Variants in SACS observed in about 807,000 individuals in gnomAD.
The protein encoded by SACS is sacsin.
In SACS, 197 loss-of-function variants were observed where a neutral mutation model predicts 348.0. That is an observed-to-expected ratio of 0.57 (90% CI 0.50 to 0.64). SACS has a LOEUF of 0.64. Ranked by LOEUF, SACS falls within the 30% of genes least tolerant of loss-of-function variation. The pLI is 0.00. For synonymous variants in SACS, 1,985 were observed against 1,910.6 expected (o/e 1.04, Z -1.02); for missense variants, 4,999 against 5,360.8 (o/e 0.93, Z 2.11).
chr13:23,336,435 C>G lies in SACS; in HGVS notation c.7441G>C (p.Val2481Leu). The change falls in exon 10 of 10, where the codon GTA (valine) becomes CTA (leucine). Residue 2481 changes from valine to leucine, a missense_variant. By Grantham distance (32) the Val-to-Leu change is conservative. Around this residue, in one of 6 missense-constraint regions of SACS, gnomAD observed 3,156 missense variants for 3,380.1 expected, o/e 0.93. Coordinates refer to ENST00000382292, the MANE Select transcript of SACS (RefSeq NM_014363.6). ...GGTATGTCAGCATGACAATATTTTA[C>G]AGTGGTATCCTTTACTTTTATCCAA... ...CPWIKVKDTT[V>L]KYCHADIPRE... 1 of 1,614,056 alleles carries G rather than the reference C, an allele frequency of 6.2e-7. No homozygotes were observed. Among genetic ancestry groups the G allele is most frequent in the Non-Finnish European group, 8.5e-7 (1 of 1,179,946 alleles).
In SACS at chr13:23,341,583, A is replaced by AC. The variant is rs761092610; in HGVS notation, c.2292dup (p.Tyr765ValfsTer4). 6.2e-7 allele frequency: 1 copy of AC among 1,614,048 alleles called. No individual in the cohort carries two copies. Among genetic ancestry groups the AC allele is most frequent in the South Asian group, 1.1e-5 (1 of 91,082 alleles). On this transcript the variant is annotated frameshift_variant, in exon 10 of 10. Transcript: ENST00000382292. LOFTEE classifies it high-confidence loss of function. ...TGATTTCTGTTTTCATCAAATGGATACCATTGAACAATCAATTCTCTGCCA... is the reference window on the plus strand; with the variant it reads ...TGATTTCTGTTTTCATCAAATGGATACCCATTGAACAATCAATTCTCTGCCA...
rs778653075 is a variant in SACS at position 23,339,851 on chromosome 13, T to C, written c.4025A>G (p.Lys1342Arg). 3 of 1,613,686 alleles carry C rather than the reference T, an allele frequency of 1.9e-6. 1 individual carries two copies. The South Asian group carries it at 3.3e-5, about 18-fold the overall frequency. ...TTGTTCACTGAGATCTTGGTCACTT[T>C]TGAGATATATCTTCTGAATAACCAT... is the stretch of plus-strand genomic sequence containing the variant. ...ISMVIQKIYL[K>R]SDQDLSEQES... The change falls in exon 10 of 10, where the codon AAA becomes AGA. Residue 1342 changes from lysine (K) to arginine (R), a missense_variant. Lys to Arg is a conservative substitution (Grantham distance 26). Transcript: ENST00000382292.
At chr13:23,376,776 G>A (rs1237802653) in intron 2 of SACS, among the ~76,000 whole-genome samples, 2 of 152,194 alleles carry the variant, frequency 1.3e-5, no homozygotes, top group African/African-American at 4.8e-5. Flanking sequence ...TCTTGGCTGG[G>A]TGCAGTGACT....
intron 1 of SACS, among the ~76,000 whole-genome samples, chr13:23,418,336 T>C (rs938123315): frequency 6.6e-6 from 1 of 152,140 alleles, no homozygotes; most frequent in Non-Finnish European, 1.5e-5. Context: ...GAAATAGTAA[T>C]ATACATTTAG....
At chr13:23,408,173 G>A (rs978660634) in intron 2 of SACS, among the ~76,000 whole-genome samples, 5 of 151,460 alleles carry the variant, frequency 3.3e-5, no homozygotes, top group South Asian at 2.1e-4. Context: ...TGAAGCCCCC[G>A]CCCCCCAACA....
chr13:23,411,080 G>A, intron 2 of SACS, 140 bp downstream of exon 2: 1 of 722,632 alleles, frequency 1.4e-6, no homozygotes, highest in Non-Finnish European at 2.5e-6. Context: ...ATTTCAGTTA[G>A]AACTGAGATA....
intron 1 of SACS, among the ~76,000 whole-genome samples, chr13:23,420,730 G>T (rs976296932): frequency 6.6e-6 from 1 of 152,056 alleles, no homozygotes; most frequent in Non-Finnish European, 1.5e-5. Context: ...CCTGGGCCTG[G>T]ATGTTCACAT....
In SACS at chr13:23,364,943, T is replaced by C. The variant is rs181332914; in HGVS notation, c.457+223A>G. On this transcript the variant is annotated intron_variant, in intron 6 of 9. Coordinates refer to ENST00000382292, the MANE Select transcript of SACS (RefSeq NM_014363.6). The stretch of plus-strand genomic sequence containing the variant: ...GAATAAGAGGCTTTGGTCATTACAT[T>C]GCTTGTCATTTTGAGTTTTCAGATT... 4.6e-5 allele frequency among the ~76,000 whole-genome samples: 7 copies of C among 152,360 alleles called. 1 individual carries two copies. The East Asian group carries it at 1.3e-3, about 29-fold the overall frequency.
chr13:23,417,137 A>AG (rs1736436321), intron 1 of SACS, among the ~76,000 whole-genome samples: 1 of 152,248 alleles, frequency 6.6e-6, no homozygotes, highest in Non-Finnish European at 1.5e-5. Context: ...TTATAATGAA[A>AG]GAACTTACAT....
intron 9 of SACS, among the ~76,000 whole-genome samples, chr13:23,345,251 G>C (rs961852425): frequency 9.9e-5 from 15 of 152,174 alleles, no homozygotes; most frequent in Admixed American, 2.6e-4. Context: ...CAATTAAATG[G>C]TGTACTGTAG....
Position 23,338,407 on chromosome 13 carries a change from G to GC in SACS, c.5468dup (p.Cys1823TrpfsTer14). The GC allele has an allele frequency of 1.2e-6, 2 of 1,614,022 alleles. No individual in the cohort carries two copies. The highest frequency in any genetic ancestry group is 1.7e-6 in the Non-Finnish European group (2 of 1,179,978). ...ACTTCAGAGCCTCTCCTGTGTCCAT[G>GC]CAAGTACACAGAAGCCACGTGGTAC... is the stretch of plus-strand genomic sequence containing the variant. On this transcript the variant is annotated frameshift_variant, in exon 10 of 10. Transcript: ENST00000382292. LOFTEE classifies it high-confidence loss of function.
intron 1 of SACS, among the ~76,000 whole-genome samples, chr13:23,418,326 G>A (rs1335405732): frequency 1.3e-5 from 2 of 152,058 alleles, no homozygotes; most frequent in Admixed American, 1.3e-4. Context: ...TGCTTGTAAT[G>A]AAATAGTAAT....
chr13:23,389,620 C>T (rs115793305), intron 2 of SACS, among the ~76,000 whole-genome samples: 1,907 of 152,232 alleles, frequency 0.013, 51 homozygotes, highest in African/African-American at 0.044. Flanking sequence ...AGCTGAAAGT[C>T]TGAGCTAAGC....
At chr13:23,358,289 G>A (rs369799834) in intron 7 of SACS, 46 bp downstream of exon 7, 1 of 1,579,372 alleles carries the variant, frequency 6.3e-7, no homozygotes, top group African/African-American at 1.3e-5. Context: ...CAGAATGTAA[G>A]ATATAATATT....
At chr13:23,416,549 G>A (rs900591157) in intron 1 of SACS, among the ~76,000 whole-genome samples, 1 of 152,076 alleles carries the variant, frequency 6.6e-6, no homozygotes, top group South Asian at 2.1e-4. Context: ...CTTAGGCCCA[G>A]GAGTTCGAGG....
intron 2 of SACS, among the ~76,000 whole-genome samples, chr13:23,393,141 A>T (rs1872591933): frequency 6.6e-6 from 1 of 152,164 alleles, no homozygotes; most frequent in African/African-American, 2.4e-5. Context: ...AAATGGAAAG[A>T]ACATGAACAA....
At position 23,358,394 on chromosome 13, in the gene SACS, T is replaced by C. The variant is rs1306568157; in HGVS notation, c.545A>G (p.Asp182Gly). 1.9e-6 allele frequency: 3 copies of C among 1,614,074 alleles called. No individual in the cohort carries two copies. Among genetic ancestry groups the C allele is most frequent in the Non-Finnish European group, 2.5e-6 (3 of 1,180,030 alleles). The change falls in exon 7 of 10, where the codon GAT (aspartate) becomes GGT (glycine). Residue 182 changes from aspartate to glycine, a missense_variant. Around this residue, in one of 6 missense-constraint regions of SACS, gnomAD observed 3,156 missense variants for 3,380.1 expected, o/e 0.93. Transcript: ENST00000382292. ...IQEIARSRKK[D>G]DPLKVGRFGI... Reference sequence around the variant, plus strand: ...AAATCTTCCGACCTTCAGAGGATCATCCTTTTTCCTGCTTCTTGCTATTTC... The same window carrying C: ...AAATCTTCCGACCTTCAGAGGATCACCCTTTTTCCTGCTTCTTGCTATTTC...
At chr13:23,431,232 T>G (rs781144119) in intron 1 of SACS, among the ~76,000 whole-genome samples, 10 of 152,224 alleles carry the variant, frequency 6.6e-5, no homozygotes, top group Admixed American at 2.0e-4. Context: ...ATTGAAAGAT[T>G]ATTCTATGTC....
At position 23,330,575 on chromosome 13, in the gene SACS, ACAAAGAACCTTTGAG is replaced by A; in HGVS notation, c.13286_13300del (p.Ser4429_Val4434delinsPhe). ...GCCAACCGACTTGAAAGTGGGAGGA[ACAAAGAACCTTTGAG>A]AGTAAGTCTGTCCGGCTGAAGGGGG... On this transcript the variant is annotated inframe_deletion, in exon 10 of 10. Coordinates refer to ENST00000382292, the MANE Select transcript of SACS (RefSeq NM_014363.6). 1 of 1,614,064 alleles carries A rather than the reference ACAAAGAACCTTTGAG, an allele frequency of 6.2e-7. No individual in the cohort carries two copies. The highest frequency in any genetic ancestry group is 1.3e-5 in the African/African-American group (1 of 75,038).
Sources: allele counts gnomAD v4.1 joint callset (sites outside exome capture counted in the v4.1 genomes callset), GRCh38; gene constraint gnomAD v4.1.1; regional missense constraint gnomAD v4.1.1; transcripts MANE v1.5; gene names NCBI Gene and HGNC (gene_info 2026-07-23, HGNC 2026-07-21).